The following MIAT variants were observed in gnomAD, a reference collection of about 807,000 sequenced individuals.
MIAT encodes the protein myocardial infarction associated transcript.
chr22:26,673,434 G>A (rs999137802), downstream of MIAT: 5 of 398,754 alleles, frequency 1.3e-5, no homozygotes, highest in Admixed American at 4.4e-5. Context: ...CAACCAACCT[G>A]GCCCTGTCTG....
intron 3 of MIAT, chr22:26,663,416 C>T (rs1272053081): frequency 2.5e-6 from 1 of 398,546 alleles, no homozygotes; most frequent in Non-Finnish European, 4.4e-6. Context: ...TCCCTCTCTT[C>T]CTGTGTCCAC....
chr22:26,651,003 G>A (rs900151984), intron 2 of MIAT, among the ~76,000 whole-genome samples: 1 of 152,120 alleles, frequency 6.6e-6, no homozygotes, highest in Non-Finnish European at 1.5e-5. Flanking sequence ...TAAAGCACTT[G>A]GAAAGTCTTC....
At chr22:26,675,372 C>A in exon 5 of MIAT, 1 of 398,598 alleles carries the variant, frequency 2.5e-6, no homozygotes, top group Non-Finnish European at 4.4e-6. Context: ...TAGATTTTAT[C>A]CTTAGGCCTT....
At chr22:26,673,960 T>A (rs1931165712), downstream of MIAT, 2 of 398,650 alleles carry the variant, frequency 5.0e-6, no homozygotes, top group Non-Finnish European at 8.8e-6. Context: ...GCCTTATAGC[T>A]ACAGTAGTTT....
At chr22:26,674,283 C>T (rs1931178316), downstream of MIAT, 1 of 398,504 alleles carries the variant, frequency 2.5e-6, no homozygotes, top group Admixed American at 4.4e-5. Flanking sequence ...CTGGAAGGGA[C>T]TTTTGATCTC....
At chr22:26,674,783 A>G in exon 5 of MIAT, 1 of 398,644 alleles carries the variant, frequency 2.5e-6, no homozygotes, top group Non-Finnish European at 4.4e-6. Flanking sequence ...CAGGAAGCTC[A>G]CACCTCCTAT....
At chr22:26,664,005 C>CTTTTTTT (rs202155948) in intron 3 of MIAT, among the ~76,000 whole-genome samples, 5 of 116,306 alleles carry the variant, frequency 4.3e-5, no homozygotes, top group African/African-American at 1.5e-4. Flanking sequence ...CTGTGTTCAG[C>CTTTTTTT]TTTTTTTTTT....
chr22:26,656,468 GCACCCGCCACCA>G (rs1232212803), intron 2 of MIAT, among the ~76,000 whole-genome samples: 2 of 151,434 alleles, frequency 1.3e-5, no homozygotes, highest in Admixed American at 1.3e-4. Context: ...GGGATTACAG[GCACCCGCCACCA>G]CACCCGGCTA....
chr22:26,646,842 G>C (rs1602351640), exon 1 of MIAT: 2 of 398,622 alleles, frequency 5.0e-6, no homozygotes, highest in East Asian at 7.1e-5. Context: ...GTCGGCCTCT[G>C]TGTCTGCAGA....
At chr22:26,673,675 TTGGCTAACACAGGTTTGAAC>T, downstream of MIAT, 1 of 397,732 alleles carries the variant, frequency 2.5e-6, no homozygotes. Flanking sequence ...AGGTTTGAAC[TTGGCTAACACAGGTTTGAAC>T]TTGACTAACA....
chr22:26,653,047 C>T (rs1018833), intron 2 of MIAT, among the ~76,000 whole-genome samples: 60,208 of 151,908 alleles, frequency 0.4, 11,970 homozygotes, highest in African/African-American at 0.43. Context: ...GAGAAGGATG[C>T]CAGCTCTACT....
At chr22:26,666,925 T>A (rs1930867610) in exon 4 of MIAT, 1 of 196,638 alleles carries the variant, frequency 5.1e-6, no homozygotes. Context: ...GTGTGTCGGC[T>A]GGATGCTGCC....
intron 2 of MIAT, among the ~76,000 whole-genome samples, chr22:26,661,522 A>T (rs1392753868): frequency 6.6e-6 from 1 of 152,102 alleles, no homozygotes; most frequent in East Asian, 1.9e-4. Context: ...GTTACCGTTT[A>T]CCAAGGTTCT....
chr22:26,652,396 A>C (rs1429960459), intron 2 of MIAT, among the ~76,000 whole-genome samples: 1 of 150,836 alleles, frequency 6.6e-6, no homozygotes, highest in Non-Finnish European at 1.5e-5. Context: ...TCACTCTGTC[A>C]CCCAGGCTGG....
chr22:26,660,494 G>A (rs1385214186), intron 2 of MIAT, among the ~76,000 whole-genome samples: 15 of 147,512 alleles, frequency 1.0e-4, no homozygotes, highest in African/African-American at 3.5e-4. Flanking sequence ...AGAAGAAGAA[G>A]AAAAGAAATT....
intron 2 of MIAT, among the ~76,000 whole-genome samples, chr22:26,663,012 T>C (rs1367137398): frequency 6.6e-6 from 1 of 152,212 alleles, no homozygotes; most frequent in Non-Finnish European, 1.5e-5. Flanking sequence ...ACTGTTATTA[T>C]CCTTAGTTTG....
At chr22:26,669,523 T>A in exon 6 of MIAT, 2 of 398,642 alleles carry the variant, frequency 5.0e-6, no homozygotes, top group Non-Finnish European at 8.8e-6. Flanking sequence ...TATTAGGGCT[T>A]AAACCTATGA....
downstream of MIAT, chr22:26,673,509 A>G: frequency 2.5e-6 from 1 of 398,074 alleles, no homozygotes; most frequent in East Asian, 3.6e-5. Flanking sequence ...ACCTTGACTA[A>G]CTCCTGCCTT....
chr22:26,661,504 A>G (rs573365520), intron 2 of MIAT, among the ~76,000 whole-genome samples: 7 of 152,026 alleles, frequency 4.6e-5, no homozygotes, highest in Non-Finnish European at 8.8e-5. Flanking sequence ...AACCCTAACT[A>G]CCACTTTGTT....
Sources: allele counts gnomAD v4.1 joint callset (sites outside exome capture counted in the v4.1 genomes callset), GRCh38; gene constraint gnomAD v4.1.1; transcripts MANE v1.5; gene names NCBI Gene and HGNC (gene_info 2026-07-23, HGNC 2026-07-21).